The following RPN2 variants were observed in gnomAD, a reference collection of about 807,000 sequenced individuals.
The protein encoded by RPN2 is ribophorin II.
RPN2 carries 29 observed loss-of-function variants against 71.4 expected under a neutral mutation model. That is an observed-to-expected ratio of 0.41 (90% CI 0.30 to 0.55). The LOEUF is 0.55. Ranked by LOEUF, RPN2 falls within the 20% of genes least tolerant of loss-of-function variation. The pLI, the probability that RPN2 is intolerant of heterozygous loss-of-function variation, is 0.35. For missense variants in RPN2, 726 were observed against 774.1 expected (o/e 0.94, Z 0.74); for synonymous variants, 308 against 305.0 (o/e 1.01, Z -0.10).
intron 4 of RPN2, 134 bp downstream of exon 4, chr20:37,199,359 G>T: frequency 9.1e-7 from 1 of 1,094,350 alleles, no homozygotes. Context: ...CAGGTGCTCT[G>T]CAAGGCACCG....
chr20:37,212,626 C>T (rs1014100839), intron 8 of RPN2, among the ~76,000 whole-genome samples: 2 of 151,674 alleles, frequency 1.3e-5, no homozygotes, highest in Admixed American at 6.6e-5. Flanking sequence ...TACAGGCACC[C>T]GCCACCATGC....
At chr20:37,230,411 G>A (rs1030908227) in intron 13 of RPN2, among the ~76,000 whole-genome samples, 11 of 152,136 alleles carry the variant, frequency 7.2e-5, no homozygotes, top group Non-Finnish European at 8.8e-5. Flanking sequence ...CTGATGGGGC[G>A]ACAGGTGGGA....
intron 2 of RPN2, among the ~76,000 whole-genome samples, chr20:37,185,573 G>T (rs1470921731): frequency 6.6e-6 from 1 of 151,924 alleles, no homozygotes; most frequent in Non-Finnish European, 1.5e-5. Flanking sequence ...TAAATGTAGG[G>T]GCTTAAAACA....
At chr20:37,236,962 T>C (rs1336293317) in intron 16 of RPN2, among the ~76,000 whole-genome samples, 3 of 152,204 alleles carry the variant, frequency 2.0e-5, no homozygotes, top group Non-Finnish European at 2.9e-5. Context: ...AATTATTAGC[T>C]TTATGAAGAT....
chr20:37,220,068 T>C (rs981397551), intron 9 of RPN2, among the ~76,000 whole-genome samples: 3 of 152,224 alleles, frequency 2.0e-5, no homozygotes, highest in African/African-American at 7.2e-5. Flanking sequence ...CTCTTGTTCA[T>C]GCAATGATAA....
intron 1 of RPN2, 24 bp from the exon 2 acceptor site, chr20:37,184,135 CCTTGGAAGAGTGTAGAGTGTA>C: frequency 6.2e-7 from 1 of 1,609,184 alleles, no homozygotes; most frequent in Admixed American, 1.7e-5. Context: ...GTGTATAGCA[CCTTGGAAGAGTGTAGAGTGTA>C]CTGAATGGTT....
intron 1 of RPN2, among the ~76,000 whole-genome samples, chr20:37,179,775 C>T (rs958968498): frequency 6.6e-6 from 1 of 152,226 alleles, no homozygotes; most frequent in Non-Finnish European, 1.5e-5. Context: ...GCTGTAGTTT[C>T]CCATTCAGTG....
At chr20:37,217,972 G>C (rs1406815578) in intron 9 of RPN2, among the ~76,000 whole-genome samples, 2 of 151,298 alleles carry the variant, frequency 1.3e-5, no homozygotes, top group East Asian at 4.0e-4. Context: ...CTGACCCTCA[G>C]GTGATCTGCC....
At chr20:37,185,244 A>G (rs1460169697) in intron 2 of RPN2, among the ~76,000 whole-genome samples, 1 of 149,930 alleles carries the variant, frequency 6.7e-6, no homozygotes, top group Non-Finnish European at 1.5e-5. Context: ...GGCTCAAGCC[A>G]TCCACCTCAG....
intron 5 of RPN2, 31 bp from the exon 6 acceptor site, chr20:37,204,736 C>CA: frequency 6.2e-7 from 1 of 1,613,346 alleles, no homozygotes. Flanking sequence ...TGTTACTTGA[C>CA]ATCCAGCATA....
Position 37,211,898 on chromosome 20 carries a change from C to T in RPN2, c.986+1733C>T, listed in dbSNP as rs369891936. ...GATTACAGGCACCTGCCACCATGCC[C>T]GGCTAATTTTCGTATTTTCGGTAGA... On this transcript the variant is annotated intron_variant, in intron 8 of 16. Coordinates refer to ENST00000237530, the MANE Select transcript of RPN2 (RefSeq NM_002951.5). Among the ~76,000 whole-genome samples, 42 of 151,856 alleles carry T rather than the reference C, an allele frequency of 2.8e-4. No individual in the cohort carries two copies. In the East Asian group the frequency reaches 7.0e-3, roughly 25 times the overall value.
chr20:37,198,551 G>A, intron 3 of RPN2, 59 bp downstream of exon 3: 1 of 1,612,590 alleles, frequency 6.2e-7, no homozygotes, highest in Non-Finnish European at 8.5e-7. Flanking sequence ...ATTTTTAAAG[G>A]GGAGGAGTCA....
intron 13 of RPN2, 107 bp from the exon 14 acceptor site, chr20:37,232,189 G>A (rs763760363): frequency 1.5e-5 from 21 of 1,375,106 alleles, no homozygotes; most frequent in Non-Finnish European, 1.8e-5. Flanking sequence ...GCCTCTGGGC[G>A]GCATATCCTC....
intron 5 of RPN2, 35 bp downstream of exon 5, chr20:37,203,995 C>A (rs2067454720): frequency 2.1e-6 from 3 of 1,435,922 alleles, no homozygotes; most frequent in Non-Finnish European, 2.9e-6. Context: ...CTCCCAGCTC[C>A]TGTCTTTGAC....
intron 2 of RPN2, among the ~76,000 whole-genome samples, chr20:37,191,536 G>A (rs1438244301): frequency 6.6e-6 from 1 of 151,864 alleles, no homozygotes; most frequent in Non-Finnish European, 1.5e-5. Context: ...GGGATGCCGA[G>A]GCAGGCGGAT....
chr20:37,231,907 C>T (rs1165301166), intron 13 of RPN2, among the ~76,000 whole-genome samples: 2 of 152,094 alleles, frequency 1.3e-5, no homozygotes, highest in East Asian at 3.9e-4. Context: ...CCCTAGGAAC[C>T]CAGAAACATT....
At chr20:37,232,834 A>G (rs1453415990) in intron 14 of RPN2, among the ~76,000 whole-genome samples, 9 of 152,232 alleles carry the variant, frequency 5.9e-5, no homozygotes. Context: ...ATAGATTTAT[A>G]TGCTGATAGG....
At chr20:37,228,825 C>A in intron 12 of RPN2, 81 bp downstream of exon 12, 2 of 1,342,074 alleles carry the variant, frequency 1.5e-6, no homozygotes, top group Non-Finnish European at 1.1e-6. Context: ...GGGCATGGGG[C>A]TCTTCACCTT....
At chr20:37,224,752 A>G (rs1036543573) in intron 10 of RPN2, among the ~76,000 whole-genome samples, 2 of 152,174 alleles carry the variant, frequency 1.3e-5, no homozygotes, top group African/African-American at 2.4e-5. Flanking sequence ...TAGGGTAGCT[A>G]TAGAGGCCAG....
Sources: allele counts gnomAD v4.1 joint callset (sites outside exome capture counted in the v4.1 genomes callset), GRCh38; gene constraint gnomAD v4.1.1; transcripts MANE v1.5; gene names NCBI Gene and HGNC (gene_info 2026-07-23, HGNC 2026-07-21).